The following DLGAP2 variants were observed in gnomAD, a reference collection of about 807,000 sequenced individuals.
DLGAP2 encodes disks large-associated protein 2.
In DLGAP2, 26 loss-of-function variants were observed where a neutral mutation model predicts 100.3. The observed-to-expected ratio is 0.26, with a 90% CI of 0.19 to 0.36. DLGAP2 has a LOEUF of 0.36. Ranked by LOEUF, DLGAP2 falls within the 10% of genes least tolerant of loss-of-function variation. DLGAP2 has a pLI of 1.00. For synonymous variants in DLGAP2, 886 were observed against 630.1 expected, an observed-to-expected ratio of 1.41 and a Z score of -6.08; for missense variants, 1,858 against 1,453.2, an observed-to-expected ratio of 1.28 and a Z score of -4.53.
At chr8:1,315,113 TAGTAA>T (rs1800702136) in intron 3 of DLGAP2, among the ~76,000 whole-genome samples, 1 of 152,246 alleles carries the variant, frequency 6.6e-6, no homozygotes, top group South Asian at 2.1e-4. Flanking sequence ...GAACCGTATT[TAGTAA>T]GTAACATTTT....
intron 2 of DLGAP2, among the ~76,000 whole-genome samples, chr8:985,970 T>A (rs926029687): frequency 6.6e-6 from 1 of 152,118 alleles, no homozygotes; most frequent in African/African-American, 2.4e-5. Flanking sequence ...AAGAAGATGC[T>A]CATTAGAGGG....
At chr8:1,641,139 G>A (rs944796361) in intron 8 of DLGAP2, among the ~76,000 whole-genome samples, 2 of 152,276 alleles carry the variant, frequency 1.3e-5, no homozygotes, top group Admixed American at 6.5e-5. Context: ...CTCCCAGTAA[G>A]GGTTTCCAAA....
chr8:1,447,570 G>A (rs1026514634), intron 3 of DLGAP2, among the ~76,000 whole-genome samples: 8 of 152,166 alleles, frequency 5.3e-5, no homozygotes, highest in African/African-American at 1.9e-4. Context: ...GTCTCTGCCC[G>A]GCTTTGGTAT....
At chr8:1,124,828 T>A (rs1376910713) in intron 2 of DLGAP2, among the ~76,000 whole-genome samples, 2 of 152,224 alleles carry the variant, frequency 1.3e-5, no homozygotes, top group Non-Finnish European at 2.9e-5. Flanking sequence ...GAAGCCAGTC[T>A]GCAGGATGGC....
rs566736692 is a variant in DLGAP2, at chr8:1,043,456, T to C, written c.73+135490T>C. 8.6e-5 allele frequency among the ~76,000 whole-genome samples: 13 copies of C among 150,670 alleles called. No individual in the cohort carries two copies. In the East Asian group the frequency reaches 2.5e-3, roughly 29 times the overall value. ...GTGGCTCACGGGTGGTGGATGTAGG[T>C]GGTGGCTGGTAGGTGGTGGATGTGT... is the stretch of plus-strand genomic sequence containing the variant. On this transcript the variant is annotated intron_variant, in intron 2 of 14. Coordinates refer to ENST00000637795, the MANE Select transcript of DLGAP2 (RefSeq NM_001346810.2).
intron 2 of DLGAP2, among the ~76,000 whole-genome samples, chr8:1,203,730 T>A (rs1012652203): frequency 2.6e-5 from 4 of 152,226 alleles, no homozygotes; most frequent in African/African-American, 9.6e-5. Context: ...CACAAATGAT[T>A]TCTCCACTCT....
chr8:1,570,138 G>T (rs573251483), intron 6 of DLGAP2, among the ~76,000 whole-genome samples: 3 of 152,360 alleles, frequency 2.0e-5, no homozygotes, highest in African/African-American at 7.2e-5. Flanking sequence ...TTTAACAGTG[G>T]AGATGTCAGA....
At chr8:1,138,948 A>G (rs1293115490) in intron 2 of DLGAP2, among the ~76,000 whole-genome samples, 1 of 150,062 alleles carries the variant, frequency 6.7e-6, no homozygotes, top group South Asian at 2.1e-4. Flanking sequence ...GCTGGTGGGA[A>G]ACTCTTCCTG....
intron 6 of DLGAP2, among the ~76,000 whole-genome samples, chr8:1,587,730 T>A (rs892390329): frequency 1.3e-5 from 2 of 152,214 alleles, no homozygotes; most frequent in Non-Finnish European, 2.9e-5. Flanking sequence ...AATTACTTTT[T>A]CAAATTTTTA....
intron 2 of DLGAP2, among the ~76,000 whole-genome samples, chr8:1,013,395 C>T (rs984181857): frequency 7.9e-5 from 12 of 152,170 alleles, no homozygotes; most frequent in South Asian, 4.1e-4. Context: ...TTTGTAGAGC[C>T]GGTGTCCTGA....
intron 2 of DLGAP2, among the ~76,000 whole-genome samples, chr8:947,117 G>A (rs1013595721): frequency 1.2e-4 from 19 of 152,136 alleles, no homozygotes; most frequent in Admixed American, 9.2e-4. Context: ...GGGTGCGCCC[G>A]CATCTGCCAG....
intron 2 of DLGAP2, among the ~76,000 whole-genome samples, chr8:1,254,972 T>TGCCCGG (rs1231250825): frequency 6.3e-5 from 8 of 126,394 alleles, no homozygotes; most frequent in African/African-American, 2.7e-4. Context: ...CCTCTCATCC[T>TGCCCGG]GTCCGGGTGC....
chr8:1,310,891 A>G (rs1405448463), intron 3 of DLGAP2, among the ~76,000 whole-genome samples: 7 of 152,206 alleles, frequency 4.6e-5, no homozygotes, highest in African/African-American at 1.4e-4. Context: ...AAATTTGACA[A>G]TGGGTCAAAG....
At chr8:787,184 C>G (rs28607717) in intron 1 of DLGAP2, among the ~76,000 whole-genome samples, 1,890 of 152,328 alleles carry the variant, frequency 0.012, 9 homozygotes, top group Middle Eastern at 0.02. Flanking sequence ...CACCCAGCCT[C>G]AGCTGGTCCT....
intron 3 of DLGAP2, among the ~76,000 whole-genome samples, chr8:1,303,033 G>C (rs1271674848): frequency 6.6e-6 from 1 of 152,230 alleles, no homozygotes; most frequent in African/African-American, 2.4e-5. Flanking sequence ...GGACACAGAT[G>C]GTTGGATGTT....
intron 2 of DLGAP2, among the ~76,000 whole-genome samples, chr8:1,191,460 G>T (rs572186455): frequency 1.3e-5 from 2 of 152,296 alleles, no homozygotes; most frequent in Non-Finnish European, 2.9e-5. Flanking sequence ...GTGAGCCACC[G>T]CGCCCAGCCG....
chr8:1,141,723 A>C (rs1001002948), intron 2 of DLGAP2, among the ~76,000 whole-genome samples: 15 of 152,198 alleles, frequency 9.9e-5, no homozygotes, highest in Non-Finnish European at 1.5e-4. Flanking sequence ...TGGCAACAAA[A>C]ATCATAGTCT....
intron 3 of DLGAP2, among the ~76,000 whole-genome samples, chr8:1,325,727 G>C (rs143590368): frequency 1.1e-4 from 16 of 152,240 alleles, no homozygotes; most frequent in Admixed American, 2.0e-4. Context: ...CTTTGGTACC[G>C]CTTGCCAAAG....
chr8:740,013 C>G (rs1820442850), intron 1 of DLGAP2: 1 of 152,216 alleles, frequency 6.6e-6, no homozygotes, highest in Non-Finnish European at 1.5e-5. Flanking sequence ...CATCCTGCCT[C>G]TGTGCGCCAT....
Sources: allele counts gnomAD v4.1 joint callset (sites outside exome capture counted in the v4.1 genomes callset), GRCh38; gene constraint gnomAD v4.1.1; transcripts MANE v1.5; gene names NCBI Gene and HGNC (gene_info 2026-07-23, HGNC 2026-07-21).